CFAP46: variants seen among roughly 807,000 people sequenced by gnomAD.
CFAP46 encodes the protein cilia and flagella associated protein 46, also known as cilia- and flagella-associated protein 46.
A neutral mutation model predicts 325.7 loss-of-function variants in CFAP46; 245 were observed. The observed-to-expected ratio is 0.75, with a 90% confidence interval of 0.68 to 0.84. The LOEUF is 0.84. Ranked by LOEUF, CFAP46 falls within the 40% of genes least tolerant of loss-of-function variation. The probability of loss-of-function intolerance (pLI) is 0.00; values close to 1 mark genes in which losing one functional copy is unlikely to be tolerated. For synonymous variants in CFAP46, 1,523 were observed against 1,495.9 expected (o/e 1.02, Z -0.42); for missense variants, 3,346 against 3,543.0 (o/e 0.94, Z 1.41).
intron 44 of CFAP46, among the ~76,000 whole-genome samples, chr10:132,843,472 C>T (rs1848377489): frequency 8.6e-6 from 1 of 115,922 alleles, no homozygotes; most frequent in Admixed American, 8.1e-5. Context: ...TGTAGGGCTG[C>T]TGCTGGTGGG....
chr10:132,909,605 A>G (rs950100987), intron 20 of CFAP46, among the ~76,000 whole-genome samples: 1 of 152,176 alleles, frequency 6.6e-6, no homozygotes, highest in Non-Finnish European at 1.5e-5. Flanking sequence ...GCCAGGCTCC[A>G]AGGCCCCTCC....
Position 132,899,587 on chromosome 10 carries a change from C to T in CFAP46, c.3004G>A (p.Gly1002Ser). ...QGRSIMENLKGRKQLRLVAAK... is the reference protein window; with the variant it reads ...QGRSIMENLKSRKQLRLVAAK... ...GCCACCAGTCGCAGCTGCTTCCGGC[C>T]CTTCAGGTTTTCCATGATGCTCCTG... The change falls in exon 23 of 58, where the codon GGC (glycine) becomes AGC (serine). Residue 1002 changes from glycine (G) to serine (S), a missense_variant. Transcript: ENST00000368586. 1 of 1,549,928 alleles carries T rather than the reference C, an allele frequency of 6.5e-7. No homozygotes were observed. The highest frequency in any genetic ancestry group is 8.7e-7 in the Non-Finnish European group (1 of 1,146,964).
At chr10:132,862,799 G>A (rs1848742365) in intron 35 of CFAP46, among the ~76,000 whole-genome samples, 1 of 151,354 alleles carries the variant, frequency 6.6e-6, no homozygotes, top group Non-Finnish European at 1.5e-5. Flanking sequence ...TTCAGGAGAG[G>A]CTGGAGGGGG....
chr10:132,868,104 T>A (rs115064441), intron 33 of CFAP46, among the ~76,000 whole-genome samples: 1 of 152,158 alleles, frequency 6.6e-6, no homozygotes, highest in Non-Finnish European at 1.5e-5. Context: ...TTTCGTCCTC[T>A]GACCTCTGAC....
In CFAP46 at chr10:132,859,163, A is replaced by T. The variant is rs1848689603; in HGVS notation, c.5283T>A (p.Asp1761Glu). The change falls in exon 38 of 58, where the codon GAT (aspartate) becomes GAA (glutamate). Residue 1761 changes from aspartate to glutamate, a missense_variant. Asp to Glu is a conservative substitution (Grantham distance 45). Coordinates refer to ENST00000368586, the MANE Select transcript of CFAP46 (RefSeq NM_001200049.3). ...TTCTCTCAATTTCCAACAGGCCATC[A>T]TCCATCTCTTTCAGTAGCAACGAGC... ...TECSLLLKEM[D>E]DGLLEIERKF... 6.4e-7 allele frequency: 1 copy of T among 1,550,710 alleles called. No homozygotes were observed. Among genetic ancestry groups the T allele is most frequent in the Non-Finnish European group, 8.7e-7 (1 of 1,147,050 alleles).
In CFAP46 at chr10:132,832,755, C is replaced by A; in HGVS notation, c.7117+603G>T. ...CACAGAATGTCATCACCCCCGAATCCCAGCCGAGGTCAGGGCCTTCCGCGC... is the reference window on the plus strand; with the variant it reads ...CACAGAATGTCATCACCCCCGAATCACAGCCGAGGTCAGGGCCTTCCGCGC... On this transcript the variant is annotated intron_variant, in intron 50 of 57. Transcript: ENST00000368586. This position sits in a 1 kb window ranked among gnomAD's most constrained non-coding sequence, Gnocchi z 4.1. 1 of 471,384 alleles carries A rather than the reference C, an allele frequency of 2.1e-6. No individual in the cohort carries two copies. Among genetic ancestry groups the A allele is most frequent in the Non-Finnish European group, 4.4e-6 (1 of 227,094 alleles). 29.2% of individuals were successfully genotyped at this position (471,384 alleles called of 1,614,324 possible).
Position 132,808,892 on chromosome 10 carries a change from T to C in CFAP46, c.7677A>G (p.Ser2559=). The C allele has an allele frequency of 3.1e-6, 5 of 1,590,082 alleles. No individual in the cohort carries two copies. Among genetic ancestry groups the C allele is most frequent in the Non-Finnish European group, 4.3e-6 (5 of 1,163,654 alleles). ...CAGCAGCAGCTTGTCCTTCAAGGTC[T>C]GAGAAGCCTCGTCTGTGGAGAAAGG... is the stretch of plus-strand genomic sequence containing the variant. ...RRGGEPRRGF[S]DLEGQAAAAP... Residue 2559 remains serine (S), a synonymous_variant, in exon 58 of 58, where the codon TCA becomes TCG. Transcript: ENST00000368586. This position sits in a 1 kb window ranked among gnomAD's most constrained non-coding sequence, Gnocchi z 6.8.
chr10:132,900,366 C>T (rs1849376846), intron 22 of CFAP46, among the ~76,000 whole-genome samples: 1 of 152,264 alleles, frequency 6.6e-6, no homozygotes, highest in African/African-American at 2.4e-5. Flanking sequence ...TCCAGGGCTG[C>T]CGTGGCTGGG....
chr10:132,822,709 T>G (rs1847894913), intron 50 of CFAP46, among the ~76,000 whole-genome samples: 1 of 127,824 alleles, frequency 7.8e-6, no homozygotes, highest in Non-Finnish European at 1.6e-5. Context: ...GTGTGAGTGC[T>G]GATGTGTGCT....
In CFAP46 at chr10:132,814,615, G is replaced by A; in HGVS notation, c.7250-3C>T. On this transcript the variant is annotated splice_polypyrimidine_tract_variant and splice_region_variant and intron_variant, in intron 52 of 57. Transcript: ENST00000368586. ...CTCCTCGTATGGGTCCACGACGACT[G>A]GGTCCCGGTCAAGGAGAAACGGGAG... is the stretch of plus-strand genomic sequence containing the variant. 2.5e-6 allele frequency: 4 copies of A among 1,577,046 alleles called. No homozygotes were observed. The highest frequency in any genetic ancestry group is 3.4e-6 in the Non-Finnish European group (4 of 1,161,796).
At chr10:132,872,558 T>G (rs1247492820) in intron 32 of CFAP46, 118 bp downstream of exon 32, 1 of 1,174,672 alleles carries the variant, frequency 8.5e-7, no homozygotes, top group Admixed American at 2.0e-5. Context: ...TTACTTGGTG[T>G]TCAAGTCCCA....
At chr10:132,942,408 G>A in intron 1 of CFAP46, 28 bp downstream of exon 1, 2 of 1,365,590 alleles carry the variant, frequency 1.5e-6, no homozygotes, top group Non-Finnish European at 1.9e-6. Flanking sequence ...CCTCCCCGGG[G>A]CGGGGGTCGT....
chr10:132,880,389 C>T (rs1372571154), intron 28 of CFAP46, among the ~76,000 whole-genome samples: 2 of 152,228 alleles, frequency 1.3e-5, no homozygotes, highest in East Asian at 3.9e-4. Context: ...GGCTGGGTGG[C>T]CAAGGGCCTG....
At chr10:132,938,851 G>T in intron 4 of CFAP46, 98 bp from the exon 5 acceptor site, 1 of 1,210,650 alleles carries the variant, frequency 8.3e-7, no homozygotes, top group Non-Finnish European at 1.2e-6. Context: ...CCCCTCCCAG[G>T]AGGGGCCTCA....
intron 44 of CFAP46, among the ~76,000 whole-genome samples, chr10:132,839,213 G>A (rs2135048272): frequency 6.7e-6 from 1 of 148,416 alleles, no homozygotes; most frequent in South Asian, 2.1e-4. Flanking sequence ...AGCGCAGTCT[G>A]ATTTGTCGTT....
intron 56 of CFAP46, 191 bp downstream of exon 56, chr10:132,810,759 C>T (rs771683694): frequency 1.1e-4 from 77 of 729,402 alleles, no homozygotes; most frequent in Non-Finnish European, 1.6e-4. Context: ...GTGCCAGGGG[C>T]CCGGCTGAGC....
At chr10:132,812,403 A>G (rs1017745055) in intron 55 of CFAP46, among the ~76,000 whole-genome samples, 8 of 152,186 alleles carry the variant, frequency 5.3e-5, no homozygotes, top group Admixed American at 2.0e-4. Context: ...CGATTAAACT[A>G]GAGGCCCTGA....
At chr10:132,831,922 T>C (rs568891945) in intron 50 of CFAP46, among the ~76,000 whole-genome samples, 14 of 152,218 alleles carry the variant, frequency 9.2e-5, no homozygotes, top group South Asian at 2.1e-4. Flanking sequence ...TGTTTTGTTT[T>C]TATTGATTAC....
intron 50 of CFAP46, among the ~76,000 whole-genome samples, chr10:132,815,974 T>C (rs1178310678): frequency 1.3e-5 from 2 of 152,228 alleles, no homozygotes; most frequent in Admixed American, 6.5e-5. Context: ...CTTGACAGTC[T>C]GGCAGAATTC....
Sources: allele counts gnomAD v4.1 joint callset (sites outside exome capture counted in the v4.1 genomes callset), GRCh38; gene constraint gnomAD v4.1.1; non-coding constraint Gnocchi (gnomAD v3.1); transcripts MANE v1.5; gene names NCBI Gene and HGNC (gene_info 2026-07-23, HGNC 2026-07-21).